PLCB4: variants seen among roughly 807,000 people sequenced by gnomAD.
The protein encoded by PLCB4 is phospholipase C beta 4.
In PLCB4, 77 loss-of-function variants were observed where a neutral mutation model predicts 178.8. The observed-to-expected ratio is 0.43, with a 90% CI of 0.36 to 0.52. PLCB4 has a LOEUF of 0.52. PLCB4 is among the 20% of genes least tolerant of loss of function. The pLI is 0.00. For missense variants in PLCB4, 1,024 were observed against 1,453.4 expected (o/e 0.70, Z 4.80); for synonymous variants, 496 against 490.8 (o/e 1.01, Z -0.14).
chr20:9,317,361 T>A (rs1373289659), intron 4 of PLCB4, among the ~76,000 whole-genome samples: 1 of 152,184 alleles, frequency 6.6e-6, no homozygotes, highest in Non-Finnish European at 1.5e-5. Context: ...TGCTCACCTT[T>A]CTTTTCTAAG....
intron 35 of PLCB4, among the ~76,000 whole-genome samples, chr20:9,461,112 C>T (rs1410454489): frequency 2.6e-5 from 4 of 152,170 alleles, no homozygotes; most frequent in Non-Finnish European, 5.9e-5. Flanking sequence ...CAGCATGGCA[C>T]TTGTCTAATC....
intron 1 of PLCB4, among the ~76,000 whole-genome samples, chr20:9,088,001 G>C (rs2090509602): frequency 6.6e-6 from 1 of 152,124 alleles, no homozygotes; most frequent in African/African-American, 2.4e-5. Context: ...CAGACCCCGA[G>C]GGCACAGCCT....
chr20:9,350,403 A>G (rs1040220058), intron 7 of PLCB4, among the ~76,000 whole-genome samples: 3 of 152,176 alleles, frequency 2.0e-5, no homozygotes, highest in Non-Finnish European at 4.4e-5. Context: ...TCATTTTACA[A>G]ATAAAGATGC....
chr20:9,105,380 C>A (rs912190935), intron 2 of PLCB4, among the ~76,000 whole-genome samples: 6 of 151,954 alleles, frequency 3.9e-5, no homozygotes, highest in African/African-American at 1.4e-4. Context: ...CTTGGAAAGC[C>A]AGATTCAGTG....
chr20:9,437,116 A>C lies in PLCB4; in HGVS notation c.2728A>C (p.Thr910Pro). The C allele has an allele frequency of 6.2e-7, 1 of 1,614,064 alleles. No homozygotes were observed. Among genetic ancestry groups the C allele is most frequent in the Non-Finnish European group, 8.5e-7 (1 of 1,179,968 alleles). The change falls in exon 30 of 40, where the codon ACG (threonine) becomes CCG (proline). Residue 910 changes from threonine (T) to proline (P), a missense_variant. Physicochemically the swap from Thr to Pro is conservative, Grantham distance 38 (BLOSUM62 -1). Around this residue, in one of 7 missense-constraint regions of PLCB4, gnomAD observed 227 missense variants for 374.3 expected, o/e 0.61. Coordinates refer to ENST00000378473, the MANE Select transcript of PLCB4 (RefSeq NM_001377142.1). ...TAGCTCTGAGCTCAGACCAACCACC[A>C]CGGCTGCCCTGGCCTCTGGTGTGGA... ...QSSSELRPTTTAALASGVEAK... is the reference protein window; with the variant it reads ...QSSSELRPTTPAALASGVEAK...
intron 2 of PLCB4, among the ~76,000 whole-genome samples, chr20:9,117,224 A>G (rs1313820678): frequency 6.6e-6 from 1 of 152,190 alleles, no homozygotes; most frequent in African/African-American, 2.4e-5. Flanking sequence ...CTTCTATTTT[A>G]AATACAATTA....
At chr20:9,145,162 T>C (rs1463235694) in intron 2 of PLCB4, among the ~76,000 whole-genome samples, 1 of 152,126 alleles carries the variant, frequency 6.6e-6, no homozygotes, top group Non-Finnish European at 1.5e-5. Context: ...ATTTCTCCAG[T>C]ATGTTTTTGT....
chr20:9,320,952 C>T (rs2094953036), intron 4 of PLCB4, among the ~76,000 whole-genome samples: 2 of 152,134 alleles, frequency 1.3e-5, no homozygotes, highest in African/African-American at 4.8e-5. Context: ...GTTTGAGAAC[C>T]TAGGCCTAGG....
chr20:9,173,897 C>T (rs1447952910), intron 2 of PLCB4, among the ~76,000 whole-genome samples: 1 of 152,156 alleles, frequency 6.6e-6, no homozygotes, highest in Non-Finnish European at 1.5e-5. Context: ...TTCCTTCAGG[C>T]TGTGACCTCT....
At chr20:9,389,258 G>C (rs928976969) in intron 15 of PLCB4, among the ~76,000 whole-genome samples, 2 of 152,154 alleles carry the variant, frequency 1.3e-5, no homozygotes, top group African/African-American at 2.4e-5. Flanking sequence ...GGGGGGTCAA[G>C]AACACTTCTA....
In PLCB4 at chr20:9,435,657, A is replaced by T. The variant is rs1441077155; in HGVS notation, c.2613+9A>T. Reference sequence around the variant, plus strand: ...CTATGGGCATTGAAACTGTAAGTAGAAATGGTTGATTAAAGGTGGCCAAGT... The same window carrying T: ...CTATGGGCATTGAAACTGTAAGTAGTAATGGTTGATTAAAGGTGGCCAAGT... On this transcript the variant is annotated intron_variant, in intron 29 of 39. Transcript: ENST00000378473. The T allele has an allele frequency of 1.3e-6, 2 of 1,520,508 alleles. No individual in the cohort carries two copies. The highest frequency in any genetic ancestry group is 1.8e-6 in the Non-Finnish European group (2 of 1,097,132). 94.2% of individuals were successfully genotyped at this position (1,520,508 alleles called of 1,614,324 possible). A position where few individuals can be genotyped will look rare whatever the true frequency, so the allele number is the denominator to read the frequency against.
At chr20:9,212,302 C>T (rs1436541038) in intron 2 of PLCB4, among the ~76,000 whole-genome samples, 1 of 152,198 alleles carries the variant, frequency 6.6e-6, no homozygotes, top group Non-Finnish European at 1.5e-5. Context: ...ACAATCATTT[C>T]CATGTTCAGT....
intron 2 of PLCB4, among the ~76,000 whole-genome samples, chr20:9,149,228 A>G (rs1289200552): frequency 6.6e-6 from 1 of 152,102 alleles, no homozygotes; most frequent in African/African-American, 2.4e-5. Context: ...TCTCCACAGC[A>G]GCCTGATCTC....
chr20:9,233,062 C>A (rs1030732265), intron 3 of PLCB4, among the ~76,000 whole-genome samples: 9 of 151,970 alleles, frequency 5.9e-5, no homozygotes, highest in Non-Finnish European at 8.8e-5. Flanking sequence ...GCTGACAATG[C>A]CAAAATGGAA....
rs547588573 is a variant in PLCB4, at chr20:9,398,539, C to T, written c.1510+2921C>T. ...TAAAATATGTAAGGCATTACTGATA[C>T]GATAATCCAGTAAAACAAACTGCAG... is the stretch of plus-strand genomic sequence containing the variant. On this transcript the variant is annotated intron_variant, in intron 19 of 39. Coordinates refer to ENST00000378473, the MANE Select transcript of PLCB4 (RefSeq NM_001377142.1). Among the ~76,000 whole-genome samples, 4 of 151,976 alleles carry T rather than the reference C, an allele frequency of 2.6e-5. No individual in the cohort carries two copies. In the East Asian group the frequency reaches 5.8e-4, roughly 22 times the overall value.
intron 2 of PLCB4, among the ~76,000 whole-genome samples, chr20:9,131,934 A>G (rs1385950136): frequency 6.6e-6 from 1 of 152,156 alleles, no homozygotes; most frequent in Admixed American, 6.5e-5. Context: ...GATTGGCCAC[A>G]TCGATAGAGA....
intron 4 of PLCB4, among the ~76,000 whole-genome samples, chr20:9,336,922 G>A (rs966576171): frequency 6.6e-6 from 1 of 152,058 alleles, no homozygotes; most frequent in Non-Finnish European, 1.5e-5. Context: ...AGAGCAAGAT[G>A]TTTTATTAAA....
intron 3 of PLCB4, among the ~76,000 whole-genome samples, chr20:9,224,956 C>G (rs2093845102): frequency 6.6e-6 from 1 of 152,162 alleles, no homozygotes. Context: ...TCTTTTCCCT[C>G]CTTTCTTTTG....
At position 9,372,351 on chromosome 20, in the gene PLCB4, C is replaced by A; in HGVS notation, c.634C>A (p.Leu212Met). 1 of 1,604,472 alleles carries A rather than the reference C, an allele frequency of 6.2e-7. No homozygotes were observed. Among genetic ancestry groups the A allele is most frequent in the Non-Finnish European group, 8.5e-7 (1 of 1,171,912 alleles). ...TAFSYEKFYE[L>M]TQKICPRTDI... Reference sequence around the variant, plus strand: ...ATTTTCTTATGAAAAGTTCTATGAACTGACACAAAAGATTTGTCCTCGGAC... The same window carrying A: ...ATTTTCTTATGAAAAGTTCTATGAAATGACACAAAAGATTTGTCCTCGGAC... Residue 212 changes from leucine (L) to methionine (M), a missense_variant, in exon 11 of 40, where the codon CTG becomes ATG. By Grantham distance (15) the Leu-to-Met change is conservative (BLOSUM62 2). Coordinates refer to ENST00000378473, the MANE Select transcript of PLCB4 (RefSeq NM_001377142.1).
Sources: gnomAD v4.1 joint callset for allele counts (sites outside exome capture counted in the v4.1 genomes callset) on GRCh38, gnomAD v4.1.1 for gene constraint, gnomAD v4.1.1 regional missense constraint, MANE v1.5 for transcripts, NCBI Gene and HGNC (gene_info 2026-07-23, HGNC 2026-07-21) for gene names.